OXR1: variants seen among roughly 807,000 people sequenced by gnomAD.
The protein encoded by OXR1 is oxidation resistance protein 1.
A neutral mutation model predicts 104.6 loss-of-function variants in OXR1; 41 were observed. That is an observed-to-expected ratio of 0.39 (90% CI 0.31 to 0.51). The LOEUF (loss-of-function observed/expected upper bound fraction) is 0.51, where lower values mean the gene tolerates loss of function less well. Ranked by LOEUF, OXR1 falls within the 20% of genes least tolerant of loss-of-function variation. The pLI is 0.77. For missense variants in OXR1, 955 were observed against 1,031.9 expected (o/e 0.93, Z 1.02); for synonymous variants, 348 against 348.4 (o/e 1.00, Z 0.01).
chr8:106,695,661 G>T (rs1056356887), intron 7 of OXR1, among the ~76,000 whole-genome samples: 7 of 151,900 alleles, frequency 4.6e-5, no homozygotes, highest in Non-Finnish European at 1.0e-4. Flanking sequence ...CTCGTGATCC[G>T]CCTGCTTCAG....
At chr8:106,298,773 A>G (rs1254368194) in intron 1 of OXR1, among the ~76,000 whole-genome samples, 1 of 152,062 alleles carries the variant, frequency 6.6e-6, no homozygotes, top group Non-Finnish European at 1.5e-5. Flanking sequence ...ACAAACAAAC[A>G]AACAAAAAAC....
At chr8:106,322,972 A>C (rs1001104545) in intron 1 of OXR1, among the ~76,000 whole-genome samples, 1 of 152,198 alleles carries the variant, frequency 6.6e-6, no homozygotes, top group Non-Finnish European at 1.5e-5. Flanking sequence ...AAAGCAATTT[A>C]TAGATTCAGT....
chr8:106,520,981 T>C (rs1443087326), intron 3 of OXR1, among the ~76,000 whole-genome samples: 3 of 152,164 alleles, frequency 2.0e-5, no homozygotes, highest in Non-Finnish European at 4.4e-5. Flanking sequence ...TTATTTTAAA[T>C]AATACCACCA....
At chr8:106,695,417 CT>C (rs1183000652) in intron 7 of OXR1, among the ~76,000 whole-genome samples, 183 of 141,376 alleles carry the variant, frequency 1.3e-3, no homozygotes, top group African/African-American at 2.2e-3. Context: ...TGTATATTTT[CT>C]TTTTTTTTTT....
intron 11 of OXR1, among the ~76,000 whole-genome samples, chr8:106,732,416 C>T (rs929357967): frequency 6.6e-6 from 1 of 152,134 alleles, no homozygotes; most frequent in African/African-American, 2.4e-5. Flanking sequence ...GGACTTCCTG[C>T]ATAATGTCAG....
chr8:106,611,290 G>A (rs914260400), intron 3 of OXR1, among the ~76,000 whole-genome samples: 3 of 152,198 alleles, frequency 2.0e-5, no homozygotes, highest in African/African-American at 7.2e-5. Context: ...GTGCATTCAA[G>A]GACCAGAAAA....
intron 2 of OXR1, among the ~76,000 whole-genome samples, chr8:106,407,643 T>C (rs937696082): frequency 1.3e-5 from 2 of 152,160 alleles, no homozygotes; most frequent in Non-Finnish European, 2.9e-5. Flanking sequence ...TATTTATTAC[T>C]TGATAACATC....
intron 10 of OXR1, among the ~76,000 whole-genome samples, chr8:106,711,667 G>A (rs545023697): frequency 1.3e-5 from 2 of 152,238 alleles, no homozygotes; most frequent in East Asian, 3.9e-4. Context: ...CATGCTGGGA[G>A]AAAGCACAAA....
chr8:106,536,113 G>A (rs1000557549), intron 3 of OXR1, among the ~76,000 whole-genome samples: 8 of 151,820 alleles, frequency 5.3e-5, no homozygotes, highest in Admixed American at 4.6e-4. Context: ...CCAGCTACTC[G>A]GGAGGCTGAG....
At chr8:106,599,049 AAG>A in intron 3 of OXR1, among the ~76,000 whole-genome samples, 2 of 152,330 alleles carry the variant, frequency 1.3e-5, no homozygotes, top group Middle Eastern at 3.4e-3. Flanking sequence ...ACACATGAGA[AAG>A]AGGGGACATT....
chr8:106,425,605 C>T (rs1330178408), intron 2 of OXR1, among the ~76,000 whole-genome samples: 1 of 152,118 alleles, frequency 6.6e-6, no homozygotes, highest in East Asian at 1.9e-4. Context: ...ATCTGCAGTA[C>T]CATGGTTATG....
intron 2 of OXR1, among the ~76,000 whole-genome samples, chr8:106,401,363 A>G (rs1817992702): frequency 1.3e-5 from 2 of 152,130 alleles, no homozygotes; most frequent in South Asian, 4.2e-4. Flanking sequence ...CCTCTAATTA[A>G]GCGTTCGGTG....
At chr8:106,564,784 C>T (rs576395412) in intron 3 of OXR1, among the ~76,000 whole-genome samples, 18 of 152,130 alleles carry the variant, frequency 1.2e-4, no homozygotes, top group Non-Finnish European at 2.5e-4. Context: ...TTATCCACCA[C>T]GATCAAGTTG....
intron 3 of OXR1, among the ~76,000 whole-genome samples, chr8:106,519,873 C>T (rs1376562592): frequency 6.6e-6 from 1 of 152,142 alleles, no homozygotes; most frequent in Non-Finnish European, 1.5e-5. Context: ...TTTAGTGTAC[C>T]ATATTAGCCC....
At chr8:106,401,523 G>C (rs1398775028) in intron 2 of OXR1, among the ~76,000 whole-genome samples, 2 of 152,120 alleles carry the variant, frequency 1.3e-5, no homozygotes, top group Non-Finnish European at 2.9e-5. Context: ...GGCCTGCACT[G>C]TAATTCACCT....
intron 11 of OXR1, among the ~76,000 whole-genome samples, chr8:106,732,887 C>T (rs1430733223): frequency 1.3e-5 from 2 of 152,058 alleles, no homozygotes; most frequent in Admixed American, 6.6e-5. Context: ...ATGCTGTCCT[C>T]ACAGAATTAG....
At chr8:106,696,816 C>T (rs1334587699) in intron 7 of OXR1, among the ~76,000 whole-genome samples, 3 of 152,170 alleles carry the variant, frequency 2.0e-5, no homozygotes, top group African/African-American at 7.2e-5. Flanking sequence ...CCCTCCCTCT[C>T]CGTCCCCTCA....
chr8:106,670,114 G>A (rs1826784246), intron 3 of OXR1, among the ~76,000 whole-genome samples: 1 of 152,216 alleles, frequency 6.6e-6, no homozygotes, highest in South Asian at 2.1e-4. Flanking sequence ...CAGGCTGTGG[G>A]TATAATGGAA....
At chr8:106,718,768 G>A (rs1228360746) in intron 11 of OXR1, among the ~76,000 whole-genome samples, 3 of 151,806 alleles carry the variant, frequency 2.0e-5, no homozygotes, top group Admixed American at 2.0e-4. Context: ...GAACCTGGGA[G>A]GTGGAGCGTG....
Sources: allele counts gnomAD v4.1 joint callset (sites outside exome capture counted in the v4.1 genomes callset), GRCh38; gene constraint gnomAD v4.1.1; transcripts MANE v1.5; gene names NCBI Gene and HGNC (gene_info 2026-07-23, HGNC 2026-07-21).